JAKMIP3: variants seen among roughly 807,000 people sequenced by gnomAD.
JAKMIP3 encodes janus kinase and microtubule-interacting protein 3.
Under a neutral mutation model 118.5 loss-of-function variants are expected in JAKMIP3, and 58 were observed. That is an observed-to-expected ratio of 0.49 (90% CI 0.40 to 0.61). The LOEUF (loss-of-function observed/expected upper bound fraction) is 0.61, where lower values mean the gene tolerates loss of function less well. Among genes scored for constraint, JAKMIP3 ranks in the 20% least tolerant of loss-of-function variants. The pLI is 0.00. For missense variants in JAKMIP3, 950 were observed against 1,109.0 expected (o/e 0.86, Z 2.04); for synonymous variants, 486 against 451.2 (o/e 1.08, Z -0.98).
intron 23 of JAKMIP3, among the ~76,000 whole-genome samples, chr10:132,177,065 A>T (rs1484723474): frequency 6.6e-6 from 1 of 152,140 alleles, no homozygotes; most frequent in East Asian, 1.9e-4. Flanking sequence ...ACTGACTTGA[A>T]ACCATGAGTC....
intron 1 of JAKMIP3, among the ~76,000 whole-genome samples, chr10:132,059,227 G>A (rs1211806916): frequency 6.6e-6 from 1 of 152,194 alleles, no homozygotes; most frequent in Non-Finnish European, 1.5e-5. Context: ...TCTGGGTGCC[G>A]TCCCCACCTG....
intron 3 of JAKMIP3, among the ~76,000 whole-genome samples, chr10:132,121,512 G>A (rs11146194): frequency 0.25 from 38,291 of 152,124 alleles, 4,941 homozygotes; most frequent in Admixed American, 0.33. Context: ...AGGACGTAGC[G>A]GGTCAGGGAT....
intron 1 of JAKMIP3, among the ~76,000 whole-genome samples, chr10:132,041,923 G>A (rs2037768832): frequency 1.3e-5 from 2 of 151,330 alleles, no homozygotes; most frequent in African/African-American, 4.9e-5. Flanking sequence ...CTGGAGTACA[G>A]TGGTGCCATC....
rs1402022875 is a variant in JAKMIP3, at chr10:132,139,244, GTGTGTA to G, written c.1344+1072_1344+1077del. On this transcript the variant is annotated intron_variant, in intron 9 of 23. Transcript: ENST00000684848. Reference sequence around the variant, plus strand: ...TACATGTGAGTGTATATGCATCTGTGTGTGTATGTGTGTGTGTGTATGTGTGTACAT... The same window carrying G: ...TACATGTGAGTGTATATGCATCTGTGTGTGTGTGTGTGTATGTGTGTACAT... Among the ~76,000 whole-genome samples, 52 of 56,218 alleles carry G rather than the reference GTGTGTA, an allele frequency of 9.2e-4. 3 individuals are homozygous for G. The highest frequency in any genetic ancestry group is 4.0e-3 in the South Asian group (11 of 2,762). 36.9% of individuals were successfully genotyped at this position (56,218 alleles called of 152,430 possible).
chr10:132,129,086 T>C (rs2818394), intron 3 of JAKMIP3, among the ~76,000 whole-genome samples: 12,616 of 152,210 alleles, frequency 0.083, 635 homozygotes, highest in Middle Eastern at 0.18. Context: ...CATTATGTTA[T>C]TGTTGTCTAG....
intron 22 of JAKMIP3, among the ~76,000 whole-genome samples, chr10:132,167,744 T>TA (rs2059054830): frequency 6.6e-6 from 1 of 151,810 alleles, no homozygotes; most frequent in African/African-American, 2.4e-5. Context: ...CCTCACCCCT[T>TA]ACCCCTCACT....
At chr10:132,123,052 C>T (rs546979511) in intron 3 of JAKMIP3, among the ~76,000 whole-genome samples, 1 of 152,256 alleles carries the variant, frequency 6.6e-6, no homozygotes, top group East Asian at 1.9e-4. Flanking sequence ...TGCGCATGGC[C>T]CACTCTGTGC....
At chr10:132,152,194 C>A (rs538852577) in intron 16 of JAKMIP3, among the ~76,000 whole-genome samples, 12 of 152,210 alleles carry the variant, frequency 7.9e-5, no homozygotes, top group Non-Finnish European at 1.3e-4. Context: ...CTGACTCCCC[C>A]CTGTGGGAGA....
At chr10:132,133,581 A>G in intron 4 of JAKMIP3, 54 bp downstream of exon 4, 1 of 1,475,820 alleles carries the variant, frequency 6.8e-7, no homozygotes, top group Non-Finnish European at 9.2e-7. Flanking sequence ...AGACCTGGCC[A>G]TGTGGCTGCA....
chr10:132,085,334 G>C (rs2042252857), intron 1 of JAKMIP3, among the ~76,000 whole-genome samples: 1 of 152,130 alleles, frequency 6.6e-6, no homozygotes, highest in Non-Finnish European at 1.5e-5. Flanking sequence ...ATCTCCGCTA[G>C]GTTTTCTAGT....
chr10:132,066,685 G>A (rs1430830511), intron 1 of JAKMIP3, among the ~76,000 whole-genome samples: 2 of 152,164 alleles, frequency 1.3e-5, no homozygotes, highest in Non-Finnish European at 2.9e-5. Context: ...TCTTATGCAA[G>A]GAACTCCAGG....
chr10:132,158,475 CT>C (rs2057355904), intron 19 of JAKMIP3, among the ~76,000 whole-genome samples: 1 of 152,268 alleles, frequency 6.6e-6, no homozygotes, highest in African/African-American at 2.4e-5. Context: ...TCCACAGTAG[CT>C]GTGTTCTCAG....
chr10:132,131,908 C>T (rs77287520), intron 3 of JAKMIP3, among the ~76,000 whole-genome samples: 1 of 152,164 alleles, frequency 6.6e-6, no homozygotes, highest in Non-Finnish European at 1.5e-5. Flanking sequence ...GCATGGGAAG[C>T]CCCCGAATCC....
intron 19 of JAKMIP3, among the ~76,000 whole-genome samples, chr10:132,157,005 A>G (rs1023309354): frequency 3.3e-5 from 5 of 152,128 alleles, no homozygotes; most frequent in African/African-American, 1.2e-4. Flanking sequence ...TTCTCTCCTG[A>G]TGGTCTCTTG....
rs922950894 is a variant in JAKMIP3 at position 132,184,628 on chromosome 10, T to G, written c.*3375T>G. 9 of 152,216 alleles carry G rather than the reference T, an allele frequency of 5.9e-5. No homozygotes were observed. The allele number at this position is 152,216 out of a possible 1,614,324, so 9.4% of individuals were successfully genotyped here. A position where few individuals can be genotyped will look rare whatever the true frequency, so the allele number is the denominator to read the frequency against. On this transcript the variant is annotated 3_prime_UTR_variant, in exon 24 of 24. Transcript: ENST00000684848. The stretch of plus-strand genomic sequence containing the variant: ...CCAGGCACTCCCTTCATAGTCACCC[T>G]CTAACCACGTGACATTCCGTTCCAT...
At chr10:132,066,607 G>A (rs991354961) in intron 1 of JAKMIP3, among the ~76,000 whole-genome samples, 1 of 152,196 alleles carries the variant, frequency 6.6e-6, no homozygotes, top group East Asian at 1.9e-4. Context: ...ACCTACCTGC[G>A]CATTGATTGG....
At chr10:132,095,994 A>G (rs892889144) in intron 1 of JAKMIP3, among the ~76,000 whole-genome samples, 12 of 152,114 alleles carry the variant, frequency 7.9e-5, no homozygotes, top group African/African-American at 2.9e-4. Context: ...TAGGGAGAGC[A>G]GGAGGGATCC....
Position 132,138,176 on chromosome 10 carries a change from A to C in JAKMIP3, c.1342A>C (p.Lys448Gln), listed in dbSNP as rs2052260577. The C allele has an allele frequency of 1.9e-6, 3 of 1,609,690 alleles. No homozygotes were observed. Among genetic ancestry groups the C allele is most frequent in the Non-Finnish European group, 2.5e-6 (3 of 1,177,962 alleles). The part of the protein sequence containing the change: ...KQRKKMAKLP[K>Q]PVVVETFFGY... ...AAGAAAGAAAATGGCAAAACTTCCC[A>C]AGGTAAGGAACAGCACACCGGCACG... Residue 448 changes from lysine to glutamine, a missense_variant and splice_region_variant, in exon 9 of 24, where the codon AAG becomes CAG. Coordinates refer to ENST00000684848, the MANE Select transcript of JAKMIP3 (RefSeq NM_001323087.2).
intron 23 of JAKMIP3, among the ~76,000 whole-genome samples, chr10:132,180,598 C>CGTGTGTGTGTGCGT (rs1197889748): frequency 2.7e-4 from 2 of 7,370 alleles, no homozygotes; most frequent in Admixed American, 1.6e-3. Flanking sequence ...TGTGTGTGTG[C>CGTGTGTGTGTGCGT]GTGCGCGTGT....
Sources: allele counts gnomAD v4.1 joint callset (sites outside exome capture counted in the v4.1 genomes callset), GRCh38; gene constraint gnomAD v4.1.1; transcripts MANE v1.5; gene names NCBI Gene and HGNC (gene_info 2026-07-23, HGNC 2026-07-21).